The following SPTAN1 variants were observed in gnomAD, a reference collection of about 807,000 sequenced individuals.
SPTAN1 encodes spectrin alpha, non-erythrocytic 1.
A neutral mutation model predicts 331.3 loss-of-function variants in SPTAN1; 61 were observed. The observed-to-expected ratio is 0.18, with a 90% CI of 0.15 to 0.23. The LOEUF (loss-of-function observed/expected upper bound fraction) is 0.23, where lower values mean the gene tolerates loss of function less well. Among genes scored for constraint, SPTAN1 ranks in the 10% least tolerant of loss-of-function variants. The pLI is 1.00. For synonymous variants in SPTAN1, 1,153 were observed against 1,173.9 expected, an observed-to-expected ratio of 0.98 and a Z score of 0.36; for missense variants, 2,043 against 3,147.9, an observed-to-expected ratio of 0.65 and a Z score of 8.40.
At chr9:128,564,173 C>T (rs148981489) in intron 1 of SPTAN1, among the ~76,000 whole-genome samples, 4,342 of 152,156 alleles carry the variant, frequency 0.029, 209 homozygotes, top group African/African-American at 0.098. Flanking sequence ...GTAATCTTAG[C>T]ACTTTGGGAG....
chr9:128,560,746 G>A (rs1429665632), intron 1 of SPTAN1, among the ~76,000 whole-genome samples: 1 of 152,068 alleles, frequency 6.6e-6, no homozygotes, highest in Non-Finnish European at 1.5e-5. Context: ...AAGGCCGGGT[G>A]CTGTGGCTCA....
At position 128,553,440 on chromosome 9, in the gene SPTAN1, T is replaced by C. The variant is rs1848344153; in HGVS notation, c.-4+744T>C. ...TAGCGTTCTTGTTTGTGTGTGTGTT[T>C]CCTGGGACTGGGTCTTTCGAGTCGA... On this transcript the variant is annotated intron_variant, in intron 1 of 56. Transcript: ENST00000372739. 2.0e-5 allele frequency: 3 copies of C among 152,226 alleles called. No homozygotes were observed. The South Asian group carries it at 6.2e-4, about 31-fold the overall frequency. 9.4% of individuals were successfully genotyped at this position (152,226 alleles called of 1,614,324 possible).
intron 1 of SPTAN1, among the ~76,000 whole-genome samples, chr9:128,561,629 C>T (rs1159353994): frequency 1.9e-5 from 2 of 107,814 alleles, no homozygotes; most frequent in Non-Finnish European, 3.5e-5. Flanking sequence ...CACCACTGCA[C>T]TCCAGCCTGG....
intron 48 of SPTAN1, 150 bp from the exon 49 acceptor site, chr9:128,626,241 G>C: frequency 9.3e-7 from 1 of 1,078,248 alleles, no homozygotes; most frequent in Non-Finnish European, 1.4e-6. Flanking sequence ...ACTTGAAGGG[G>C]GAGCAGGAGA....
chr9:128,555,350 C>G, intron 1 of SPTAN1: 1 of 1,289,288 alleles, frequency 7.8e-7, no homozygotes, highest in Non-Finnish European at 1.0e-6. Context: ...CCTCTTTAGA[C>G]TCCACATTCC....
At chr9:128,579,767 G>A (rs1425902424) in intron 10 of SPTAN1, 29 bp downstream of exon 10, 2 of 1,562,822 alleles carry the variant, frequency 1.3e-6, no homozygotes, top group Non-Finnish European at 8.8e-7. Context: ...AGCTTTTGAG[G>A]AGCAAATTAC....
rs977493980 is a variant in SPTAN1, at chr9:128,627,639, G to C, written c.6689+141G>C. On this transcript the variant is annotated intron_variant, in intron 50 of 56. Coordinates refer to ENST00000372739, the MANE Select transcript of SPTAN1 (RefSeq NM_001130438.3). The surrounding 1 kb of genome is among the most constrained non-coding windows in gnomAD (Gnocchi z 4.9). The stretch of plus-strand genomic sequence containing the variant: ...GAATAAAGCTGGGCTGGCAACGCCT[G>C]GTCGGGCTCTGGAGCCGGGAGTGGG... 1.1e-6 allele frequency: 1 copy of C among 919,842 alleles called. No individual in the cohort carries two copies. The highest frequency in any genetic ancestry group is 2.0e-5 in the Admixed American group (1 of 49,884). 57.0% of individuals were successfully genotyped at this position (919,842 alleles called of 1,614,324 possible).
chr9:128,562,990 G>GTATATATATATATA (rs1379685400), intron 1 of SPTAN1, among the ~76,000 whole-genome samples: 3 of 1,786 alleles, frequency 1.7e-3, no homozygotes, highest in African/African-American at 2.3e-3. Context: ...ATACATGTAT[G>GTATATATATATATA]TGTATATATA....
chr9:128,566,823 G>A lies in SPTAN1; in HGVS notation c.83G>A (p.Arg28His), dbSNP rs747510615. The A allele has an allele frequency of 3.7e-6, 6 of 1,614,032 alleles. No individual in the cohort carries two copies. The highest frequency in any genetic ancestry group is 1.7e-5 in the Admixed American group (1 of 60,002). The change falls in exon 2 of 57, where the codon CGC (arginine) becomes CAC (histidine). Residue 28 changes from arginine to histidine, a missense_variant. Transcript: ENST00000372739. ...RRQQVLDRYH[R>H]FKELSTLRRQ... is the part of the protein sequence containing the mutation. Reference sequence around the variant, plus strand: ...CAGCAGGTCCTAGACCGATACCACCGCTTCAAGGAACTCTCAACCCTTAGG... The same window carrying A: ...CAGCAGGTCCTAGACCGATACCACCACTTCAAGGAACTCTCAACCCTTAGG...
chr9:128,617,746 G>A lies in SPTAN1; in HGVS notation c.5464G>A (p.Glu1822Lys). 1 of 1,614,094 alleles carries A rather than the reference G, an allele frequency of 6.2e-7. No individual in the cohort carries two copies. Among genetic ancestry groups the A allele is most frequent in the Non-Finnish European group, 8.5e-7 (1 of 1,180,020 alleles). ...KRLEAELAAH[E>K]PAIQGVLDTG... Reference sequence around the variant, plus strand: ...GCTGGAAGCAGAACTGGCTGCGCATGAGCCGGCTATTCAGGTAAGGAGGCC... The same window carrying A: ...GCTGGAAGCAGAACTGGCTGCGCATAAGCCGGCTATTCAGGTAAGGAGGCC... Residue 1822 changes from glutamate to lysine, a missense_variant, in exon 42 of 57, where the codon GAG (glutamate) becomes AAG (lysine). By Grantham distance (56) the Glu-to-Lys change is moderately conservative. This residue lies in a region of SPTAN1 where 323 missense variants were observed against 581.1 expected (regional missense o/e 0.56). Coordinates refer to ENST00000372739, the MANE Select transcript of SPTAN1 (RefSeq NM_001130438.3).
intron 9 of SPTAN1, 120 bp downstream of exon 9, chr9:128,578,365 A>C: frequency 2.3e-5 from 30 of 1,319,354 alleles, no homozygotes; most frequent in Non-Finnish European, 3.2e-5. Flanking sequence ...GGTGTTTCTC[A>C]TCATGAGGAT....
At position 128,592,937 on chromosome 9, in the gene SPTAN1, A is replaced by T. The variant is rs753365170; in HGVS notation, c.3156-46A>T. 3.3e-5 allele frequency: 52 copies of T among 1,565,004 alleles called. No individual in the cohort carries two copies. In the Admixed American group the frequency reaches 9.4e-4, roughly 28 times the overall value. The stretch of plus-strand genomic sequence containing the variant: ...CTGCTGCCTTTCATCCCTGTGGATT[A>T]ACCCCACTAATTCGTGCATGCTTTT... On this transcript the variant is annotated intron_variant, in intron 22 of 56. Coordinates refer to ENST00000372739, the MANE Select transcript of SPTAN1 (RefSeq NM_001130438.3).
rs943050126 is a variant in SPTAN1, at chr9:128,577,846, A to G, written c.1086-264A>G. On this transcript the variant is annotated intron_variant, in intron 8 of 56. Transcript: ENST00000372739. This position sits in a 1 kb window ranked among gnomAD's most constrained non-coding sequence, Gnocchi z 4.2. ...AGAATCCTTGCTAGCCAAGGGTTGA[A>G]CCTGGGAATAACAAGGAAGTTGAAA... 1.3e-5 allele frequency among the ~76,000 whole-genome samples: 2 copies of G among 150,834 alleles called. No homozygotes were observed. The highest frequency in any genetic ancestry group is 4.9e-5 in the African/African-American group (2 of 41,058).
rs960839281 is a variant in SPTAN1 at position 128,585,604 on chromosome 9, CA to C, written c.2561-136del. On this transcript the variant is annotated intron_variant, in intron 18 of 56. Transcript: ENST00000372739. ...TTAGAGGGTTAGAACCTGAGCCTCTCAAAAAAAATGGAATTATGAAAGGGCA... is the reference window on the plus strand; with the variant it reads ...TTAGAGGGTTAGAACCTGAGCCTCTCAAAAAAATGGAATTATGAAAGGGCA... 5.5e-4 allele frequency: 410 copies of C among 745,032 alleles called. 1 individual carries two copies. Among genetic ancestry groups the C allele is most frequent in the African/African-American group, 4.6e-3 (267 of 57,716 alleles). The allele number at this position is 745,032 out of a possible 1,614,324, so 46.2% of individuals were successfully genotyped here.
rs377381640 is a variant in SPTAN1 at position 128,591,461 on chromosome 9, C to A, written c.3007-16C>A. 14 of 1,613,910 alleles carry A rather than the reference C, an allele frequency of 8.7e-6. No individual in the cohort carries two copies. The African/African-American group carries it at 1.9e-4, about 22-fold the overall frequency. On this transcript the variant is annotated splice_polypyrimidine_tract_variant and intron_variant, in intron 21 of 56. Coordinates refer to ENST00000372739, the MANE Select transcript of SPTAN1 (RefSeq NM_001130438.3). ...GAGAAGGAATTTACTTTCAGTTCTCCCTCTTTTTTCCTTAGGATTGGTGGA... is the reference window on the plus strand; with the variant it reads ...GAGAAGGAATTTACTTTCAGTTCTCACTCTTTTTTCCTTAGGATTGGTGGA...
At chr9:128,617,238 C>CA (rs531584960) in intron 41 of SPTAN1, among the ~76,000 whole-genome samples, 271 of 111,516 alleles carry the variant, frequency 2.4e-3, no homozygotes, top group South Asian at 0.014. Flanking sequence ...GACTCTGTCT[C>CA]AAAAAAAAAA....
intron 12 of SPTAN1, 78 bp from the exon 13 acceptor site, chr9:128,582,401 T>A: frequency 1.6e-6 from 2 of 1,243,174 alleles, no homozygotes. Context: ...TATGATCTGT[T>A]CAGCAGTTAC....
chr9:128,572,085 C>T (rs1160459001), intron 3 of SPTAN1, among the ~76,000 whole-genome samples: 1 of 152,190 alleles, frequency 6.6e-6, no homozygotes, highest in African/African-American at 2.4e-5. Context: ...GTCTTGAACT[C>T]CGGAGCTCAA....
At chr9:128,556,831 A>G (rs1259986265) in intron 1 of SPTAN1, among the ~76,000 whole-genome samples, 1 of 152,220 alleles carries the variant, frequency 6.6e-6, no homozygotes, top group African/African-American at 2.4e-5. Context: ...CAAATCTGCC[A>G]CTAAAATCTG....
Sources: allele counts gnomAD v4.1 joint callset (sites outside exome capture counted in the v4.1 genomes callset), GRCh38; gene constraint gnomAD v4.1.1; regional missense constraint gnomAD v4.1.1; non-coding constraint Gnocchi (gnomAD v3.1); transcripts MANE v1.5; gene names NCBI Gene and HGNC (gene_info 2026-07-23, HGNC 2026-07-21).